The following DAB1 variants were observed in gnomAD, a reference collection of about 807,000 sequenced individuals.
The protein encoded by DAB1 is disabled homolog 1.
DAB1 carries 15 observed loss-of-function variants against 64.6 expected under a neutral mutation model. That is an observed-to-expected ratio of 0.23 (90% confidence interval 0.16 to 0.36). DAB1 has a LOEUF of 0.36. Among genes scored for constraint, DAB1 ranks in the 10% least tolerant of loss-of-function variants. The probability of loss-of-function intolerance (pLI) is 1.00; values close to 1 mark genes in which losing one functional copy is unlikely to be tolerated. For synonymous variants in DAB1, 235 were observed against 251.9 expected, an observed-to-expected ratio of 0.93 and a Z score of 0.64; for missense variants, 596 against 706.7, an observed-to-expected ratio of 0.84 and a Z score of 1.78.
chr1:58,475,127 C>T (rs1196899614), intron 3 of DAB1, among the ~76,000 whole-genome samples: 1 of 152,050 alleles, frequency 6.6e-6, no homozygotes, highest in African/African-American at 2.4e-5. Context: ...AGACAAGAGC[C>T]GTAATGGATT....
At position 57,672,055 on chromosome 1, in the gene DAB1, A is replaced by T. The variant is rs1052893483; in HGVS notation, n.552-22390T>A. On this transcript the variant is annotated intron_variant and non_coding_transcript_variant, in intron 6 of 20. Transcript: ENST00000485760. The stretch of plus-strand genomic sequence containing the variant: ...TACATTCATTATCTTAATTATCACA[A>T]CTTCCATCTGAGATATACTTTAACT... Among the ~76,000 whole-genome samples the T allele has an allele frequency of 1.6e-4, 25 of 152,156 alleles. 2 individuals carry two copies. Among genetic ancestry groups the T allele is most frequent in the African/African-American group, 6.0e-4 (25 of 41,532 alleles).
intron 5 of DAB1, among the ~76,000 whole-genome samples, chr1:58,111,526 T>C (rs1345113995): frequency 6.6e-6 from 1 of 152,244 alleles, no homozygotes; most frequent in Non-Finnish European, 1.5e-5. Context: ...ATTTGATATT[T>C]TTTCCAAGAG....
At position 57,085,028 on chromosome 1, in the gene DAB1, G is replaced by A. The variant is rs116503577; in HGVS notation, c.307-12614C>T. On this transcript the variant is annotated intron_variant, in intron 4 of 14. Transcript: ENST00000371236. ...CTTTTGTGAAAATGCACCAAACACC[G>A]TTCTGTAGCCATCTCCTTCAACTTA... Among the ~76,000 whole-genome samples the A allele has an allele frequency of 8.3e-3, 1,260 of 152,232 alleles. 12 individuals are homozygous for A. The highest frequency in any genetic ancestry group is 0.028 in the African/African-American group (1,181 of 41,538).
At position 57,138,638 on chromosome 1, in the gene DAB1, C is replaced by T. The variant is rs377328130; in HGVS notation, c.208-1997G>A. ...GATTGCTCAATGTGCTCCTTGTTTT[C>T]CCATGAATTCACTGTGGGATGCTTT... On this transcript the variant is annotated intron_variant, in intron 3 of 14. Coordinates refer to ENST00000371236, the MANE Select transcript of DAB1 (RefSeq NM_001365792.1). Among the ~76,000 whole-genome samples the T allele has an allele frequency of 2.0e-3, 303 of 152,262 alleles. 1 individual carries two copies. The highest frequency in any genetic ancestry group is 7.0e-3 in the African/African-American group (291 of 41,560).
intron 4 of DAB1, among the ~76,000 whole-genome samples, chr1:58,274,960 G>C (rs2762912): frequency 0.67 from 100,576 of 150,004 alleles, 34,437 homozygotes; most frequent in East Asian, 0.87. Flanking sequence ...AGAAATCACC[G>C]GTCTTCTGCA....
At chr1:58,186,801 T>C (rs1657102260) in intron 4 of DAB1, among the ~76,000 whole-genome samples, 1 of 152,212 alleles carries the variant, frequency 6.6e-6, no homozygotes, top group Non-Finnish European at 1.5e-5. Context: ...CCAAGTTTCC[T>C]CCTCTCTATG....
chr1:58,048,356 C>T (rs1315475813), intron 5 of DAB1: 1 of 990,490 alleles, frequency 1.0e-6, no homozygotes, highest in Non-Finnish European at 1.6e-6. Flanking sequence ...GCCCAAATCA[C>T]TGTAGCTTCC....
At chr1:57,281,441 C>T (rs756763614) in intron 2 of DAB1, among the ~76,000 whole-genome samples, 6 of 152,088 alleles carry the variant, frequency 3.9e-5, no homozygotes, top group Non-Finnish European at 8.8e-5. Context: ...GTACAAAACC[C>T]CACGTGTAAA....
rs560647252 is a variant in DAB1 at position 57,074,665 on chromosome 1, C to T, written c.307-2251G>A. On this transcript the variant is annotated intron_variant, in intron 4 of 14. Coordinates refer to ENST00000371236, the MANE Select transcript of DAB1 (RefSeq NM_001365792.1). ...TCTCTGACTACTCTTAGAACTCTCT[C>T]TATGGCTTCACACTTGCCCAGGCTG... Among the ~76,000 whole-genome samples the T allele has an allele frequency of 3.3e-5, 5 of 152,296 alleles. No homozygotes were observed. The South Asian group carries it at 1.0e-3, about 32-fold the overall frequency.
At chr1:57,406,749 G>T (rs1396055982) in intron 1 of DAB1, among the ~76,000 whole-genome samples, 1 of 152,194 alleles carries the variant, frequency 6.6e-6, no homozygotes, top group Non-Finnish European at 1.5e-5. Flanking sequence ...CTGAAATGCA[G>T]CCAACAGGAT....
At chr1:58,468,136 G>T (rs574397224) in intron 3 of DAB1, 1 of 152,358 alleles carries the variant, frequency 6.6e-6, no homozygotes, top group South Asian at 2.1e-4. Flanking sequence ...TGTTGGCCAG[G>T]ATGGTCTCAA....
At chr1:57,937,140 G>C (rs1017902816) in intron 5 of DAB1, among the ~76,000 whole-genome samples, 2 of 152,036 alleles carry the variant, frequency 1.3e-5, no homozygotes, top group Admixed American at 6.6e-5. Flanking sequence ...CTGGCACATA[G>C]TTGGTGCTTG....
At chr1:58,395,207 A>G (rs1397917527) in intron 3 of DAB1, among the ~76,000 whole-genome samples, 2 of 152,160 alleles carry the variant, frequency 1.3e-5, no homozygotes, top group Non-Finnish European at 2.9e-5. Flanking sequence ...TAAGACTAAA[A>G]TGGAGAATGG....
At chr1:57,781,126 C>CTA (rs35044056) in intron 6 of DAB1, among the ~76,000 whole-genome samples, 37 of 27,722 alleles carry the variant, frequency 1.3e-3, no homozygotes, top group Non-Finnish European at 1.9e-3. Context: ...CTCTCTCTCT[C>CTA]TATATATATA....
intron 9 of DAB1, among the ~76,000 whole-genome samples, chr1:57,038,196 T>C (rs1489524861): frequency 3.3e-5 from 5 of 152,232 alleles, no homozygotes; most frequent in African/African-American, 4.8e-5. Flanking sequence ...ATATTTGCAT[T>C]GACTGGAAGA....
chr1:57,390,466 C>T (rs1272469631), intron 1 of DAB1, among the ~76,000 whole-genome samples: 1 of 152,202 alleles, frequency 6.6e-6, no homozygotes, highest in Non-Finnish European at 1.5e-5. Flanking sequence ...CACGATTGTA[C>T]TCCTGACCTG....
At chr1:57,707,967 T>G (rs919364109) in intron 6 of DAB1, among the ~76,000 whole-genome samples, 2 of 152,198 alleles carry the variant, frequency 1.3e-5, no homozygotes, top group Admixed American at 1.3e-4. Flanking sequence ...TTCCCCAAAT[T>G]GGAAGGAGTC....
intron 3 of DAB1, among the ~76,000 whole-genome samples, chr1:58,459,537 T>C (rs923211737): frequency 2.0e-5 from 3 of 152,196 alleles, no homozygotes; most frequent in Non-Finnish European, 4.4e-5. Flanking sequence ...CAACTGGCCT[T>C]TCCAAGGGCA....
At chr1:58,158,889 C>T (rs533881665) in intron 4 of DAB1, among the ~76,000 whole-genome samples, 2 of 152,266 alleles carry the variant, frequency 1.3e-5, no homozygotes, top group South Asian at 2.1e-4. Context: ...CAAGCACGCA[C>T]GGGTGAGAAA....
Sources: gnomAD v4.1 joint callset for allele counts (sites outside exome capture counted in the v4.1 genomes callset) on GRCh38, gnomAD v4.1.1 for gene constraint, MANE v1.5 for transcripts, NCBI Gene and HGNC (gene_info 2026-07-23, HGNC 2026-07-21) for gene names.